The following GABRB1 variants were observed in gnomAD, a reference collection of about 807,000 sequenced individuals.
GABRB1 encodes the protein gamma-aminobutyric acid receptor subunit beta-1.
A neutral mutation model predicts 51.6 loss-of-function variants in GABRB1; 17 were observed. That is an observed-to-expected ratio of 0.33 (90% CI 0.23 to 0.49). GABRB1 has a LOEUF of 0.49. Among genes scored for constraint, GABRB1 ranks in the 20% least tolerant of loss-of-function variants. The pLI is 0.99. For missense variants in GABRB1, 410 were observed against 600.6 expected (o/e 0.68, Z 3.32); for synonymous variants, 247 against 218.9 (o/e 1.13, Z -1.14).
chr4:47,174,764 G>A (rs970161858), intron 4 of GABRB1, among the ~76,000 whole-genome samples: 1 of 152,006 alleles, frequency 6.6e-6, no homozygotes, highest in African/African-American at 2.4e-5. Context: ...GTCATTCTTA[G>A]GATTTTTGCT....
chr4:47,092,061 T>A (rs1305054941), intron 3 of GABRB1, among the ~76,000 whole-genome samples: 1 of 152,156 alleles, frequency 6.6e-6, no homozygotes, highest in East Asian at 1.9e-4. Flanking sequence ...CATTTCTTAC[T>A]GTGATTATGT....
Position 47,000,261 on chromosome 4 carries a change from C to T in GABRB1, c.-20+6335C>T, listed in dbSNP as rs150060933. On this transcript the variant is annotated intron_variant, in intron 1 of 3. Coordinates refer to the GABRB1 transcript ENST00000513567. Reference sequence around the variant, plus strand: ...CAAATTTGCATGAAAAAATTAATAACAAATTCAAGATAATGGGTATCTGTG... The same window carrying T: ...CAAATTTGCATGAAAAAATTAATAATAAATTCAAGATAATGGGTATCTGTG... 7.2e-5 allele frequency among the ~76,000 whole-genome samples: 11 copies of T among 152,126 alleles called. 2 individuals are homozygous for T. The highest frequency in any genetic ancestry group is 2.7e-4 in the African/African-American group (11 of 41,506).
intron 3 of GABRB1, among the ~76,000 whole-genome samples, chr4:47,148,340 T>C (rs1449548045): frequency 6.6e-6 from 1 of 152,008 alleles, no homozygotes; most frequent in Non-Finnish European, 1.5e-5. Context: ...GTCAGCTTGG[T>C]GGTGCTGGGT....
At chr4:47,396,381 A>G (rs1728181877) in intron 5 of GABRB1, among the ~76,000 whole-genome samples, 1 of 152,170 alleles carries the variant, frequency 6.6e-6, no homozygotes, top group Admixed American at 6.5e-5. Context: ...GGGAGTACAA[A>G]TCAAGATGAG....
intron 3 of GABRB1, among the ~76,000 whole-genome samples, chr4:47,078,907 A>T (rs1727691047): frequency 6.6e-6 from 1 of 152,186 alleles, no homozygotes. Context: ...TCAGCTTAGA[A>T]AGAGGCTTGG....
rs571743690 is a variant in GABRB1, at chr4:47,184,787, A to T, written c.461+23318A>T. Reference sequence around the variant, plus strand: ...GGCTGTCCACCTCAACCTTCACGGAAATACGCCTGAATTTTATAGCCTCAG... The same window carrying T: ...GGCTGTCCACCTCAACCTTCACGGATATACGCCTGAATTTTATAGCCTCAG... On this transcript the variant is annotated intron_variant, in intron 4 of 8. Coordinates refer to ENST00000295454, the MANE Select transcript of GABRB1 (RefSeq NM_000812.4). Among the ~76,000 whole-genome samples the T allele has an allele frequency of 3.3e-5, 5 of 152,008 alleles. No individual in the cohort carries two copies. In the South Asian group the frequency reaches 1.0e-3, roughly 32 times the overall value.
At chr4:47,339,262 T>A (rs1198054405) in intron 5 of GABRB1, among the ~76,000 whole-genome samples, 3 of 152,094 alleles carry the variant, frequency 2.0e-5, no homozygotes, top group Non-Finnish European at 2.9e-5. Flanking sequence ...GATAGGGAAG[T>A]TATGAAAAGC....
intron 4 of GABRB1, among the ~76,000 whole-genome samples, chr4:47,202,649 G>A (rs1376447379): frequency 1.3e-5 from 2 of 152,168 alleles, no homozygotes; most frequent in African/African-American, 4.8e-5. Context: ...CAAGAACAGA[G>A]TTGACAAGAC....
chr4:47,219,166 T>C (rs968045340), intron 4 of GABRB1, among the ~76,000 whole-genome samples: 2 of 151,856 alleles, frequency 1.3e-5, no homozygotes, highest in Admixed American at 6.6e-5. Context: ...GAAATGTTAA[T>C]AAAATGTACA....
At chr4:46,998,713 C>G (rs959215580) in intron 1 of GABRB1, among the ~76,000 whole-genome samples, 3 of 135,452 alleles carry the variant, frequency 2.2e-5, no homozygotes, top group Non-Finnish European at 4.6e-5. Context: ...CAGCCTGGGC[C>G]ACTGAGCAAG....
At chr4:46,997,416 C>T (rs1433497250) in intron 1 of GABRB1, among the ~76,000 whole-genome samples, 1 of 149,814 alleles carries the variant, frequency 6.7e-6, no homozygotes, top group Non-Finnish European at 1.5e-5. Context: ...TTATACATAA[C>T]ATATTATTAT....
intron 5 of GABRB1, among the ~76,000 whole-genome samples, chr4:47,395,619 A>G (rs1728155072): frequency 6.6e-6 from 1 of 152,230 alleles, no homozygotes. Context: ...CATTGCCCAC[A>G]TGTAGAAAAT....
intron 1 of GABRB1, among the ~76,000 whole-genome samples, chr4:47,019,660 T>TTTCC (rs1400972241): frequency 1.4e-5 from 2 of 144,680 alleles, no homozygotes; most frequent in East Asian, 4.1e-4. Context: ...TCTTTCTTTC[T>TTTCC]TTCTTTCTTT....
chr4:47,185,552 C>T (rs182204747), intron 4 of GABRB1, among the ~76,000 whole-genome samples: 1 of 151,834 alleles, frequency 6.6e-6, no homozygotes, highest in East Asian at 1.9e-4. Flanking sequence ...ACTGCTCACC[C>T]ACCTTGTTGT....
chr4:47,308,101 T>C (rs1724533949), intron 4 of GABRB1, among the ~76,000 whole-genome samples: 1 of 152,008 alleles, frequency 6.6e-6, no homozygotes, highest in African/African-American at 2.4e-5. Flanking sequence ...CATGAAAATG[T>C]TTTAGCTTCG....
chr4:47,400,497 G>C (rs1728338468), intron 5 of GABRB1, among the ~76,000 whole-genome samples: 1 of 151,096 alleles, frequency 6.6e-6, no homozygotes, highest in Admixed American at 6.6e-5. Context: ...AGCATAGTGA[G>C]CTCCAGCCTG....
intron 4 of GABRB1, among the ~76,000 whole-genome samples, chr4:47,240,206 A>G (rs1721472244): frequency 6.6e-6 from 1 of 152,310 alleles, no homozygotes; most frequent in South Asian, 2.1e-4. Context: ...TTCAGATGCT[A>G]AATTTTTCTG....
intron 3 of GABRB1, among the ~76,000 whole-genome samples, chr4:47,113,698 A>C (rs1715338453): frequency 6.6e-6 from 1 of 152,198 alleles, no homozygotes; most frequent in African/African-American, 2.4e-5. Flanking sequence ...TCATTACTCT[A>C]GTTGTGCCAG....
chr4:47,402,928 T>C (rs1728445547), intron 5 of GABRB1, among the ~76,000 whole-genome samples: 1 of 152,228 alleles, frequency 6.6e-6, no homozygotes, highest in South Asian at 2.1e-4. Context: ...AACAAATATG[T>C]GCTCAATTAT....
Sources: gnomAD v4.1 joint callset for allele counts (sites outside exome capture counted in the v4.1 genomes callset) on GRCh38, gnomAD v4.1.1 for gene constraint, MANE v1.5 for transcripts, NCBI Gene and HGNC (gene_info 2026-07-23, HGNC 2026-07-21) for gene names.